ADAMTS14: variants seen among roughly 807,000 people sequenced by gnomAD.
ADAMTS14 encodes the protein ADAM metallopeptidase with thrombospondin type 1 motif 14, also known as A disintegrin and metalloproteinase with thrombospondin motifs 14.
ADAMTS14 carries 100 observed loss-of-function variants against 128.6 expected under a neutral mutation model. The observed-to-expected ratio is 0.78, with a 90% CI of 0.66 to 0.92. The LOEUF (loss-of-function observed/expected upper bound fraction) is 0.92. Ranked by LOEUF, ADAMTS14 falls within the 40% of genes least tolerant of loss-of-function variation. The pLI, the probability that ADAMTS14 is intolerant of heterozygous loss-of-function variation, is 0.00. For missense variants in ADAMTS14, 1,562 were observed against 1,658.6 expected, an observed-to-expected ratio of 0.94 and a Z score of 1.01; for synonymous variants, 665 against 653.8, an observed-to-expected ratio of 1.02 and a Z score of -0.26.
intron 2 of ADAMTS14, among the ~76,000 whole-genome samples, chr10:70,701,342 C>T (rs1840486284): frequency 6.6e-6 from 1 of 152,342 alleles, no homozygotes; most frequent in South Asian, 2.1e-4. Flanking sequence ...CGCTCCCAGT[C>T]CTTGGTATGT....
intron 4 of ADAMTS14, among the ~76,000 whole-genome samples, chr10:70,713,712 G>A (rs2132626976): frequency 7.5e-6 from 1 of 132,998 alleles, no homozygotes; most frequent in East Asian, 2.8e-4. Flanking sequence ...GGTTGGTTTG[G>A]GTCTGCTGGG....
intron 18 of ADAMTS14, among the ~76,000 whole-genome samples, 177 bp from the exon 19 acceptor site, chr10:70,753,623 C>T (rs543911749): frequency 6.6e-6 from 1 of 152,306 alleles, no homozygotes; most frequent in South Asian, 2.1e-4. Flanking sequence ...AGTGCCCTTC[C>T]TGAGGTCACA....
At chr10:70,706,030 T>C (rs1020884214) in intron 3 of ADAMTS14, among the ~76,000 whole-genome samples, 11 of 152,228 alleles carry the variant, frequency 7.2e-5, no homozygotes, top group African/African-American at 2.7e-4. Context: ...TTACATTGGC[T>C]TGGGGCTTCT....
rs995504643 is a variant in ADAMTS14 at position 70,760,673 on chromosome 10, T to G, written c.3492T>G (p.His1164Gln). The change falls in exon 22 of 22, where the codon CAT becomes CAG. Residue 1164 changes from histidine (H) to glutamine (Q), a missense_variant. Transcript: ENST00000373207. Reference protein sequence around the residue: ...ALDTSSPGTQHPFAPETPIPG... With the variant: ...ALDTSSPGTQQPFAPETPIPG... ...ATACAAGCTCCCCAGGGACCCAGCATCCCTTTGCCCCTGAGACACCAATCC... is the reference window on the plus strand; with the variant it reads ...ATACAAGCTCCCCAGGGACCCAGCAGCCCTTTGCCCCTGAGACACCAATCC... The G allele has an allele frequency of 1.9e-6, 3 of 1,613,986 alleles. No individual in the cohort carries two copies. The highest frequency in any genetic ancestry group is 1.7e-6 in the Non-Finnish European group (2 of 1,180,010).
chr10:70,708,602 G>A lies in ADAMTS14; in HGVS notation c.694G>A (p.Asp232Asn). Reference sequence around the variant, plus strand: ...CTTGGTTCCAGCCTTTGGCCTGGGAGACCTTCCCAACCTGCTGGGCCTGGT... The same window carrying A: ...CTTGGTTCCAGCCTTTGGCCTGGGAAACCTTCCCAACCTGCTGGGCCTGGT... ...DLHNEAFGLG[D>N]LPNLLGLVGD... The change falls in exon 4 of 22, where the codon GAC (aspartate) becomes AAC (asparagine). Residue 232 changes from aspartate (D) to asparagine (N), a missense_variant. Physicochemically the swap from Asp to Asn is conservative, Grantham distance 23. Transcript: ENST00000373207. 1 of 1,605,392 alleles carries A rather than the reference G, an allele frequency of 6.2e-7. No homozygotes were observed. Among genetic ancestry groups the A allele is most frequent in the Non-Finnish European group, 8.5e-7 (1 of 1,173,252 alleles).
chr10:70,688,312 C>T (rs1474838362), intron 2 of ADAMTS14, among the ~76,000 whole-genome samples: 3 of 85,126 alleles, frequency 3.5e-5, no homozygotes, highest in African/African-American at 1.2e-4. Context: ...GATGTGATGG[C>T]GGCTGGGAAG....
At chr10:70,725,111 C>T (rs898105796) in intron 4 of ADAMTS14, among the ~76,000 whole-genome samples, 14 of 152,012 alleles carry the variant, frequency 9.2e-5, no homozygotes, top group Middle Eastern at 6.8e-3. Flanking sequence ...GGTGCTAATA[C>T]AGTGTTTTCC....
chr10:70,751,709 G>A (rs934839366), intron 17 of ADAMTS14, 63 bp downstream of exon 17: 1 of 1,567,288 alleles, frequency 6.4e-7, no homozygotes, highest in Admixed American at 1.7e-5. Context: ...GAGAGGCAGG[G>A]GTGGGGGACT....
intron 15 of ADAMTS14, among the ~76,000 whole-genome samples, chr10:70,746,802 G>A (rs899047500): frequency 2.0e-5 from 3 of 151,990 alleles, no homozygotes; most frequent in Non-Finnish European, 2.9e-5. Context: ...ATTATATCTC[G>A]GTTCAAACCC....
intron 3 of ADAMTS14, among the ~76,000 whole-genome samples, chr10:70,705,776 T>C (rs1372192140): frequency 6.6e-6 from 1 of 152,272 alleles, no homozygotes; most frequent in Non-Finnish European, 1.5e-5. Flanking sequence ...TTGATGCTTC[T>C]CTTTATGATG....
intron 3 of ADAMTS14, among the ~76,000 whole-genome samples, chr10:70,703,200 A>T (rs1840549159): frequency 1.3e-5 from 2 of 152,188 alleles, no homozygotes; most frequent in Non-Finnish European, 2.9e-5. Context: ...CCAGTGCAGG[A>T]GGCTACACAC....
chr10:70,701,629 AT>A (rs948704091), intron 2 of ADAMTS14, among the ~76,000 whole-genome samples: 14 of 152,020 alleles, frequency 9.2e-5, no homozygotes, highest in Admixed American at 2.0e-4. Context: ...TTGCCAACAT[AT>A]TTTTTTGTTT....
chr10:70,736,887 T>C, intron 10 of ADAMTS14, 94 bp downstream of exon 10: 2 of 1,117,244 alleles, frequency 1.8e-6, no homozygotes, highest in Non-Finnish European at 2.6e-6. Flanking sequence ...CCCTGACCCC[T>C]CCCTCCAAGT....
intron 2 of ADAMTS14, among the ~76,000 whole-genome samples, chr10:70,684,502 G>A (rs1197460500): frequency 6.6e-6 from 1 of 152,240 alleles, no homozygotes; most frequent in Non-Finnish European, 1.5e-5. Context: ...AAGAGGACAA[G>A]TTGCAGCCAT....
chr10:70,743,441 T>A lies in ADAMTS14; in HGVS notation c.1925-107T>A. 2.2e-6 allele frequency: 3 copies of A among 1,357,576 alleles called. No individual in the cohort carries two copies. In the South Asian group the frequency reaches 5.0e-5, roughly 23 times the overall value. 84.1% of individuals were successfully genotyped at this position (1,357,576 alleles called of 1,614,324 possible). A position where few individuals can be genotyped will look rare whatever the true frequency, so the allele number is the denominator to read the frequency against. ...GTGCCACACCCAGTGCTCCCCCAAC[T>A]GTCCAGAGCTGGCCCCGGAGCTTTC... is the stretch of plus-strand genomic sequence containing the variant. On this transcript the variant is annotated intron_variant, in intron 12 of 21. Transcript: ENST00000373207.
intron 2 of ADAMTS14, among the ~76,000 whole-genome samples, chr10:70,696,352 G>A (rs1840332270): frequency 6.8e-6 from 1 of 147,294 alleles, no homozygotes; most frequent in Non-Finnish European, 1.5e-5. Context: ...ATGAGACTGG[G>A]CAGGGGGGCA....
chr10:70,718,024 C>T (rs1237290001), intron 4 of ADAMTS14, among the ~76,000 whole-genome samples: 2 of 152,206 alleles, frequency 1.3e-5, no homozygotes, highest in African/African-American at 2.4e-5. Flanking sequence ...GGTTTTGGCG[C>T]AGTTGGCTGT....
At chr10:70,728,650 A>G (rs916795048) in intron 4 of ADAMTS14, among the ~76,000 whole-genome samples, 1 of 152,206 alleles carries the variant, frequency 6.6e-6, no homozygotes, top group African/African-American at 2.4e-5. Flanking sequence ...GGCCTGTGAG[A>G]AAAAGGGATT....
chr10:70,675,053 G>A, intron 2 of ADAMTS14, 58 bp downstream of exon 2: 6 of 1,573,612 alleles, frequency 3.8e-6, no homozygotes, highest in Non-Finnish European at 5.2e-6. Flanking sequence ...CTGCTCACAT[G>A]GTTTTGAGAT....
Sources: allele counts gnomAD v4.1 joint callset (sites outside exome capture counted in the v4.1 genomes callset), GRCh38; gene constraint gnomAD v4.1.1; transcripts MANE v1.5; gene names NCBI Gene and HGNC (gene_info 2026-07-23, HGNC 2026-07-21).